The following AMER3 variants were observed in gnomAD, a reference collection of about 807,000 sequenced individuals.
AMER3 encodes APC membrane recruitment protein 3.
For synonymous variants in AMER3, 541 were observed against 485.5 expected, an observed-to-expected ratio of 1.11 and a Z score of -1.50; for missense variants, 1,201 against 1,139.4, an observed-to-expected ratio of 1.05 and a Z score of -0.78.
In AMER3 at chr2:130,765,583, G is replaced by T. The variant is rs375918174; in HGVS notation, c.*925G>T. On this transcript the variant is annotated 3_prime_UTR_variant, in exon 2 of 2. Coordinates refer to ENST00000321420, the MANE Select transcript of AMER3 (RefSeq NM_152698.3). ...GAAGTTTTGACGTTTTTATACACAC[G>T]CACAATGCTTACACACACAGTCAAC... 6.5e-4 allele frequency: 109 copies of T among 167,030 alleles called. 1 individual carries two copies. The highest frequency in any genetic ancestry group is 2.5e-3 in the African/African-American group (105 of 41,550). 10.3% of individuals were successfully genotyped at this position (167,030 alleles called of 1,614,324 possible).
At position 130,764,347 on chromosome 2, in the gene AMER3, C is replaced by T. The variant is rs1300776456; in HGVS notation, c.2275C>T (p.Pro759Ser). ...VQDLSWLRVE[P>S]TGLGVQAWAS... ...GGACCTGAGCTGGCTCAGGGTGGAGCCCACCGGGCTAGGTGTCCAGGCCTG... is the reference window on the plus strand; with the variant it reads ...GGACCTGAGCTGGCTCAGGGTGGAGTCCACCGGGCTAGGTGTCCAGGCCTG... Residue 759 changes from proline (P) to serine (S), a missense_variant, in exon 2 of 2, where the codon CCC becomes TCC. By Grantham distance (74) the Pro-to-Ser change is moderately conservative. Coordinates refer to ENST00000321420, the MANE Select transcript of AMER3 (RefSeq NM_152698.3). 1.2e-6 allele frequency: 2 copies of T among 1,610,262 alleles called. No individual in the cohort carries two copies. Among genetic ancestry groups the T allele is most frequent in the Non-Finnish European group, 1.7e-6 (2 of 1,177,598 alleles).
Position 130,762,059 on chromosome 2 carries a change from G to A in AMER3, c.-14G>A. 1 of 1,607,274 alleles carries A rather than the reference G, an allele frequency of 6.2e-7. No individual in the cohort carries two copies. The highest frequency in any genetic ancestry group is 8.5e-7 in the Non-Finnish European group (1 of 1,177,476). On this transcript the variant is annotated 5_prime_UTR_variant, in exon 2 of 2. Coordinates refer to ENST00000321420, the MANE Select transcript of AMER3 (RefSeq NM_152698.3). Reference sequence around the variant, plus strand: ...CCTCCTGCTTTCCTCCACAGCAGCTGGGGCACTGGCAGCATGGAGCTGAAG... The same window carrying A: ...CCTCCTGCTTTCCTCCACAGCAGCTAGGGCACTGGCAGCATGGAGCTGAAG...
In AMER3 at chr2:130,764,028, G is replaced by T. The variant is rs1678903210; in HGVS notation, c.1956G>T (p.Gly652=). 1 of 1,613,046 alleles carries T rather than the reference G, an allele frequency of 6.2e-7. No individual in the cohort carries two copies. Among genetic ancestry groups the T allele is most frequent in the Non-Finnish European group, 8.5e-7 (1 of 1,179,778 alleles). ...QKEPGPPGVL[G]CFRGPWRPGH... ...AGCCTGGGCCACCAGGGGTCCTGGG[G>T]TGTTTCCGAGGCCCCTGGAGGCCAG... The change falls in exon 2 of 2, where the codon GGG becomes GGT. Residue 652 remains glycine (G), a synonymous_variant. Transcript: ENST00000321420.
At chr2:130,756,697 C>T (rs1678620995) in intron 1 of AMER3, among the ~76,000 whole-genome samples, 1 of 152,176 alleles carries the variant, frequency 6.6e-6, no homozygotes, top group Admixed American at 6.5e-5. Context: ...AGGCGCCCTC[C>T]AAGGAGGTGG....
In AMER3 at chr2:130,763,792, A is replaced by G. The variant is rs777526737; in HGVS notation, c.1720A>G (p.Thr574Ala). 6 of 1,608,126 alleles carry G rather than the reference A, an allele frequency of 3.7e-6. No individual in the cohort carries two copies. The South Asian group carries it at 6.6e-5, about 18-fold the overall frequency. Reference protein sequence around the residue: ...SRQELWAHPGTTGLLAGESKA... With the variant: ...SRQELWAHPGATGLLAGESKA... ...GCAGGAGCTGTGGGCACACCCGGGC[A>G]CCACAGGCCTGCTCGCCGGAGAGAG... The change falls in exon 2 of 2, where the codon ACC (threonine) becomes GCC (alanine). Residue 574 changes from threonine (T) to alanine (A), a missense_variant. Coordinates refer to ENST00000321420, the MANE Select transcript of AMER3 (RefSeq NM_152698.3).
At position 130,764,467 on chromosome 2, in the gene AMER3, C is replaced by T. The variant is rs1459026677; in HGVS notation, c.2395C>T (p.Pro799Ser). Residue 799 changes from proline to serine, a missense_variant, in exon 2 of 2, where the codon CCT (proline) becomes TCT (serine). Transcript: ENST00000321420. ...SQLDSEPRSA[P>S]AARWSSQGHH... is the part of the protein sequence containing the mutation. ...GCTGGACTCTGAGCCCCGCTCAGCC[C>T]CTGCTGCCCGGTGGAGTTCCCAGGG... 10 of 1,599,364 alleles carry T rather than the reference C, an allele frequency of 6.3e-6. No homozygotes were observed. The highest frequency in any genetic ancestry group is 2.3e-5 in the East Asian group (1 of 44,170).
chr2:130,761,297 T>A (rs1401452293), intron 1 of AMER3, among the ~76,000 whole-genome samples: 1 of 152,164 alleles, frequency 6.6e-6, no homozygotes, highest in South Asian at 2.1e-4. Context: ...CCTTTCCCAT[T>A]GAACTCAGAC....
chr2:130,758,404 G>A (rs1276561904), intron 1 of AMER3, among the ~76,000 whole-genome samples: 2 of 150,818 alleles, frequency 1.3e-5, no homozygotes, highest in African/African-American at 4.9e-5. Flanking sequence ...GGAAAGGAAG[G>A]AAGGAAGGAA....
At chr2:130,756,280 C>G in intron 1 of AMER3, 1 of 149,144 alleles carries the variant, frequency 6.7e-6, no homozygotes, top group East Asian at 2.0e-4. Flanking sequence ...GGCCGCGGCG[C>G]GCGGCGCCGG....
Position 130,764,003 on chromosome 2 carries a change from A to G in AMER3, c.1931A>G (p.Glu644Gly), listed in dbSNP as rs771119513. 3 of 1,613,228 alleles carry G rather than the reference A, an allele frequency of 1.9e-6. No individual in the cohort carries two copies. Among genetic ancestry groups the G allele is most frequent in the African/African-American group, 1.3e-5 (1 of 75,042 alleles). ...VPSTWPCSQK[E>G]PGPPGVLGCF... ...TCTACCTGGCCCTGCTCCCAGAAGG[A>G]GCCTGGGCCACCAGGGGTCCTGGGG... The change falls in exon 2 of 2, where the codon GAG becomes GGG. Residue 644 changes from glutamate (E) to glycine (G), a missense_variant. Coordinates refer to ENST00000321420, the MANE Select transcript of AMER3 (RefSeq NM_152698.3).
At chr2:130,758,963 G>T (rs939334554) in intron 1 of AMER3, among the ~76,000 whole-genome samples, 1 of 152,258 alleles carries the variant, frequency 6.6e-6, no homozygotes, top group African/African-American at 2.4e-5. Flanking sequence ...TGTCACAGAA[G>T]TTGACTTCTC....
intron 1 of AMER3, among the ~76,000 whole-genome samples, chr2:130,756,135 C>A (rs1196742724): frequency 6.7e-6 from 1 of 148,330 alleles, no homozygotes; most frequent in Non-Finnish European, 1.5e-5. Context: ...GCCGGCGCGC[C>A]CCCTCGCCAC....
At chr2:130,760,690 T>C (rs548524124) in intron 1 of AMER3, among the ~76,000 whole-genome samples, 20 of 152,160 alleles carry the variant, frequency 1.3e-4, no homozygotes, top group Admixed American at 2.6e-4. Flanking sequence ...TTTTGGGTGA[T>C]AGGAGCAGGC....
chr2:130,763,926 T>C lies in AMER3; in HGVS notation c.1854T>C (p.Ser618=). The C allele has an allele frequency of 6.2e-6, 10 of 1,613,710 alleles. No homozygotes were observed. The highest frequency in any genetic ancestry group is 8.5e-6 in the Non-Finnish European group (10 of 1,180,020). ...AAGGCTTGTTCTCCTCTATGGAGTC[T>C]GCAGCCACTTCGACAACAGATACTT... The part of the protein sequence containing the change: ...HSEGLFSSME[S]AATSTTDTSG... Residue 618 remains serine (S), a synonymous_variant, in exon 2 of 2, where the codon TCT becomes TCC. Transcript: ENST00000321420.
At chr2:130,756,604 G>A (rs1419081821) in intron 1 of AMER3, among the ~76,000 whole-genome samples, 1 of 152,104 alleles carries the variant, frequency 6.6e-6, no homozygotes, top group Non-Finnish European at 1.5e-5. Flanking sequence ...GAAACCCTCC[G>A]CCGGCGGATG....
At chr2:130,757,793 A>G (rs560389153) in intron 1 of AMER3, among the ~76,000 whole-genome samples, 1 of 152,318 alleles carries the variant, frequency 6.6e-6, no homozygotes, top group African/African-American at 2.4e-5. Context: ...CGTCTTAGAG[A>G]TGAAAGACTC....
rs201307390 is a variant in AMER3 at position 130,762,610 on chromosome 2, G to A, written c.538G>A (p.Glu180Lys). The change falls in exon 2 of 2, where the codon GAG becomes AAG. Residue 180 changes from glutamate (E) to lysine (K), a missense_variant. Glu to Lys is a moderately conservative substitution (Grantham distance 56). Coordinates refer to ENST00000321420, the MANE Select transcript of AMER3 (RefSeq NM_152698.3). ...KTEDLASLAA[E>K]GKSLPSPGDP... Reference sequence around the variant, plus strand: ...TGAGGACTTGGCCTCGCTGGCGGCCGAGGGGAAAAGCCTGCCCTCCCCAGG... The same window carrying A: ...TGAGGACTTGGCCTCGCTGGCGGCCAAGGGGAAAAGCCTGCCCTCCCCAGG... 2.4e-4 allele frequency: 389 copies of A among 1,612,404 alleles called. No homozygotes were observed. The Middle Eastern group carries it at 4.0e-3, about 16-fold the overall frequency.
In AMER3 at chr2:130,767,489, G is replaced by A. The variant is rs1164005867; in HGVS notation, c.*2831G>A. The A allele has an allele frequency of 6.0e-6, 1 of 166,946 alleles. No individual in the cohort carries two copies. Among genetic ancestry groups the A allele is most frequent in the African/African-American group, 2.4e-5 (1 of 41,418 alleles). 10.3% of individuals were successfully genotyped at this position (166,946 alleles called of 1,614,324 possible). A position where few individuals can be genotyped will look rare whatever the true frequency, so the allele number is the denominator to read the frequency against. ...CCCTCCCACCAGGGGACGCTGGTCA[G>A]TGCCTCTCCTGACTGCCTGACGCTT... On this transcript the variant is annotated 3_prime_UTR_variant, in exon 2 of 2. Coordinates refer to ENST00000321420, the MANE Select transcript of AMER3 (RefSeq NM_152698.3).
rs1283027092 is a variant in AMER3, at chr2:130,766,702, T to C, written c.*2044T>C. The C allele has an allele frequency of 6.3e-6, 1 of 157,926 alleles. No individual in the cohort carries two copies. The highest frequency in any genetic ancestry group is 1.9e-4 in the East Asian group (1 of 5,180). 9.8% of individuals were successfully genotyped at this position (157,926 alleles called of 1,614,324 possible). A position where few individuals can be genotyped will look rare whatever the true frequency, so the allele number is the denominator to read the frequency against. On this transcript the variant is annotated 3_prime_UTR_variant, in exon 2 of 2. Coordinates refer to ENST00000321420, the MANE Select transcript of AMER3 (RefSeq NM_152698.3). ...TTGTAGAGACGGGTTTTCGCCATGT[T>C]GCCTCAGCTAAAATGTCTCAAAATC...
Sources: allele counts gnomAD v4.1 joint callset (sites outside exome capture counted in the v4.1 genomes callset), GRCh38; gene constraint gnomAD v4.1.1; transcripts MANE v1.5; gene names NCBI Gene and HGNC (gene_info 2026-07-23, HGNC 2026-07-21).